VRK2: variants seen among roughly 807,000 people sequenced by gnomAD.
VRK2 encodes serine/threonine-protein kinase VRK2.
Under a neutral mutation model 57.6 loss-of-function variants are expected in VRK2, and 60 were observed. That is an observed-to-expected ratio of 1.04 (90% CI 0.85 to 1.29). The LOEUF (loss-of-function observed/expected upper bound fraction) is 1.29, where lower values mean the gene tolerates loss of function less well. Among genes scored for constraint, VRK2 ranks in the 50% most tolerant of loss-of-function variants. The pLI, the probability that VRK2 is intolerant of heterozygous loss-of-function variation, is 0.00. For missense variants in VRK2, 705 were observed against 588.1 expected, an observed-to-expected ratio of 1.20 and a Z score of -2.06; for synonymous variants, 231 against 199.2, an observed-to-expected ratio of 1.16 and a Z score of -1.35.
At chr2:57,935,027 C>T (rs969571223) in intron 1 of VRK2, among the ~76,000 whole-genome samples, 5 of 152,128 alleles carry the variant, frequency 3.3e-5, no homozygotes, top group African/African-American at 1.2e-4. Context: ...GCTTAGGTTT[C>T]TTAAAACAAT....
chr2:57,950,559 C>T (rs1208110836), intron 1 of VRK2, among the ~76,000 whole-genome samples: 1 of 152,182 alleles, frequency 6.6e-6, no homozygotes, highest in Non-Finnish European at 1.5e-5. Flanking sequence ...TGACAATCCA[C>T]CTTGTCACCC....
intron 1 of VRK2, among the ~76,000 whole-genome samples, chr2:58,009,745 A>T (rs1480422188): frequency 1.3e-5 from 2 of 151,940 alleles, no homozygotes; most frequent in Non-Finnish European, 2.9e-5. Flanking sequence ...TACAATACAG[A>T]TGCTTAAGAA....
intron 1 of VRK2, among the ~76,000 whole-genome samples, chr2:57,914,996 C>T (rs753463947): frequency 6.6e-6 from 1 of 151,872 alleles, no homozygotes; most frequent in East Asian, 1.9e-4. Context: ...TTTCAAGATC[C>T]TCACACAAAA....
At chr2:57,929,292 C>T (rs954415707) in intron 1 of VRK2, among the ~76,000 whole-genome samples, 16 of 152,180 alleles carry the variant, frequency 1.1e-4, no homozygotes, top group African/African-American at 3.4e-4. Context: ...TCTGACTTTT[C>T]TTTCCCCTTT....
At chr2:57,994,207 G>A (rs1325159841) in intron 1 of VRK2, among the ~76,000 whole-genome samples, 1 of 152,152 alleles carries the variant, frequency 6.6e-6, no homozygotes, top group African/African-American at 2.4e-5. Flanking sequence ...TCAGAAAGGT[G>A]TAAGGTCATG....
intron 3 of VRK2, among the ~76,000 whole-genome samples, chr2:58,039,477 CTTAA>C (rs1674377692): frequency 6.6e-6 from 1 of 152,156 alleles, no homozygotes; most frequent in South Asian, 2.1e-4. Flanking sequence ...CTCTAGCCTT[CTTAA>C]TTATTTTTCT....
At chr2:57,993,852 T>C (rs1040903340) in intron 1 of VRK2, among the ~76,000 whole-genome samples, 2 of 152,190 alleles carry the variant, frequency 1.3e-5, no homozygotes, top group Admixed American at 1.3e-4. Context: ...ATGTCTCCCA[T>C]GTTCCCTAAT....
At chr2:57,957,829 G>C (rs988129539) in intron 1 of VRK2, among the ~76,000 whole-genome samples, 3 of 151,932 alleles carry the variant, frequency 2.0e-5, no homozygotes, top group African/African-American at 7.3e-5. Flanking sequence ...ACCCTAACTG[G>C]AGTCTTCTCA....
chr2:57,924,989 T>G (rs1670484393), intron 1 of VRK2, among the ~76,000 whole-genome samples: 1 of 152,098 alleles, frequency 6.6e-6, no homozygotes, highest in Non-Finnish European at 1.5e-5. Flanking sequence ...TGTTCTTCAT[T>G]CTGTTGATAT....
chr2:58,049,840 T>A (rs1675443903), intron 2 of VRK2, among the ~76,000 whole-genome samples: 1 of 152,194 alleles, frequency 6.6e-6, no homozygotes, highest in Admixed American at 6.5e-5. Context: ...TCATGGATCC[T>A]GAAATATAAA....
At chr2:58,077,837 A>G (rs930861792) in intron 2 of VRK2, among the ~76,000 whole-genome samples, 9 of 152,118 alleles carry the variant, frequency 5.9e-5, no homozygotes, top group African/African-American at 2.2e-4. Flanking sequence ...TTCTTCATGC[A>G]TGGAAATTTG....
intron 1 of VRK2, among the ~76,000 whole-genome samples, chr2:57,934,764 CT>C (rs908506880): frequency 2.6e-5 from 4 of 151,860 alleles, no homozygotes; most frequent in Admixed American, 6.6e-5. Flanking sequence ...CCTTCTCATT[CT>C]TTTTTTTCTT....
intron 1 of VRK2, among the ~76,000 whole-genome samples, chr2:57,997,465 T>G (rs1312087965): frequency 6.6e-6 from 1 of 152,174 alleles, no homozygotes; most frequent in Non-Finnish European, 1.5e-5. Context: ...TATTTTAAGT[T>G]ACAAAGTTAA....
chr2:58,100,516 C>T (rs1173913683), intron 7 of VRK2, among the ~76,000 whole-genome samples: 1 of 151,670 alleles, frequency 6.6e-6, no homozygotes, highest in East Asian at 1.9e-4. Context: ...GCATGTTATT[C>T]TTTCCTTCCT....
intron 7 of VRK2, among the ~76,000 whole-genome samples, chr2:58,100,127 G>A (rs1673747538): frequency 6.6e-6 from 1 of 151,942 alleles, no homozygotes; most frequent in African/African-American, 2.4e-5. Context: ...TCATAGGGCA[G>A]GGTCATAAGC....
At chr2:58,040,454 T>C (rs949119873) in intron 3 of VRK2, among the ~76,000 whole-genome samples, 12 of 152,214 alleles carry the variant, frequency 7.9e-5, no homozygotes, top group African/African-American at 2.9e-4. Context: ...GTCCTGAAAT[T>C]GGCAGTGAGA....
intron 3 of VRK2, among the ~76,000 whole-genome samples, chr2:58,038,525 T>C (rs1193809730): frequency 6.6e-6 from 1 of 152,142 alleles, no homozygotes; most frequent in African/African-American, 2.4e-5. Flanking sequence ...AAAGGTGTTT[T>C]TCTCTCCAGT....
At chr2:58,072,715 G>GT (rs1033628869) in intron 2 of VRK2, among the ~76,000 whole-genome samples, 2 of 151,466 alleles carry the variant, frequency 1.3e-5, no homozygotes, top group African/African-American at 4.8e-5. Flanking sequence ...TTGATTTGTA[G>GT]TTTTTTTTCT....
At chr2:58,159,001 T>C (rs1177428089) in intron 12 of VRK2, among the ~76,000 whole-genome samples, 1 of 152,104 alleles carries the variant, frequency 6.6e-6, no homozygotes, top group African/African-American at 2.4e-5. Flanking sequence ...ATTATGGCTA[T>C]CTTACCCCCT....
Sources: allele counts gnomAD v4.1 joint callset (sites outside exome capture counted in the v4.1 genomes callset), GRCh38; gene constraint gnomAD v4.1.1; transcripts MANE v1.5; gene names NCBI Gene and HGNC (gene_info 2026-07-23, HGNC 2026-07-21).